ZC3HAV1: variants seen among roughly 807,000 people sequenced by gnomAD.
ZC3HAV1 encodes the protein zinc finger CCCH-type containing, antiviral 1.
Under a neutral mutation model 86.6 loss-of-function variants are expected in ZC3HAV1, and 41 were observed. The ratio of observed to expected loss-of-function variants is 0.47; its 90% confidence interval spans 0.37 to 0.61. The LOEUF is 0.61. Among genes scored for constraint, ZC3HAV1 ranks in the 20% least tolerant of loss-of-function variants. The probability of loss-of-function intolerance (pLI) is 0.00; values close to 1 mark genes in which losing one functional copy is unlikely to be tolerated. For missense variants in ZC3HAV1, 964 were observed against 1,141.1 expected (o/e 0.84, Z 2.24); for synonymous variants, 421 against 432.1 (o/e 0.97, Z 0.32).
Position 139,045,237 on chromosome 7 carries a change from A to C in ZC3HAV1, c.*2357T>G, listed in dbSNP as rs1041490348. ...TTTCTATTTGTCGTTTAGAAAAAAA[A>C]AGGCAGAAATGCCCATTGAAAACCA... On this transcript the variant is annotated 3_prime_UTR_variant, in exon 13 of 13. Coordinates refer to ENST00000242351, the MANE Select transcript of ZC3HAV1 (RefSeq NM_020119.4). 6.6e-6 allele frequency: 1 copy of C among 152,206 alleles called. No individual in the cohort carries two copies. Among genetic ancestry groups the C allele is most frequent in the South Asian group, 2.1e-4 (1 of 4,836 alleles). 9.4% of individuals were successfully genotyped at this position (152,206 alleles called of 1,614,324 possible).
intron 6 of ZC3HAV1, among the ~76,000 whole-genome samples, chr7:139,074,546 G>C (rs141868709): frequency 6.6e-6 from 1 of 151,786 alleles, no homozygotes; most frequent in East Asian, 1.9e-4. Flanking sequence ...ATAAAGAAGC[G>C]GATATGAGAA....
chr7:139,070,479 A>G (rs910580243), intron 7 of ZC3HAV1, among the ~76,000 whole-genome samples: 1 of 151,696 alleles, frequency 6.6e-6, no homozygotes, highest in South Asian at 2.1e-4. Flanking sequence ...CCTGGCTAAC[A>G]TGGTGAAACC....
At chr7:139,087,045 G>GTACCTGT (rs1459690705) in intron 2 of ZC3HAV1, among the ~76,000 whole-genome samples, 1 of 152,164 alleles carries the variant, frequency 6.6e-6, no homozygotes, top group Non-Finnish European at 1.5e-5. Context: ...GATGTTAAAA[G>GTACCTGT]TACCTGTTAC....
rs907352424 is a variant in ZC3HAV1, at chr7:139,088,420, C to T, written c.444+1204G>A. The stretch of plus-strand genomic sequence containing the variant: ...TGTGATTGAGCAGATGTGCCATATA[C>T]AATGTCCATGTCACATCTTTTAAAA... On this transcript the variant is annotated intron_variant, in intron 2 of 12. Transcript: ENST00000242351. 3.3e-5 allele frequency among the ~76,000 whole-genome samples: 5 copies of T among 152,184 alleles called. 1 individual carries two copies. Among genetic ancestry groups the T allele is most frequent in the Admixed American group, 1.3e-4 (2 of 15,276 alleles).
intron 12 of ZC3HAV1, among the ~76,000 whole-genome samples, chr7:139,052,532 G>A (rs906325858): frequency 6.7e-6 from 1 of 148,244 alleles, no homozygotes; most frequent in African/African-American, 2.5e-5. Context: ...TTGAACCAAG[G>A]AGGTGAAGGT....
At chr7:139,074,121 C>G in intron 6 of ZC3HAV1, 91 bp from the exon 7 acceptor site, 3 of 1,272,314 alleles carry the variant, frequency 2.4e-6, no homozygotes, top group Non-Finnish European at 3.2e-6. Context: ...CAGAATTAAA[C>G]TTTCAGGGCT....
chr7:139,097,636 G>A (rs1355628411), intron 1 of ZC3HAV1, among the ~76,000 whole-genome samples: 10 of 150,752 alleles, frequency 6.6e-5, no homozygotes, highest in East Asian at 2.0e-4. Context: ...GGGTTTCACC[G>A]TGTTAGCCAG....
intron 1 of ZC3HAV1, among the ~76,000 whole-genome samples, chr7:139,100,734 A>G (rs914366660): frequency 6.6e-6 from 1 of 151,364 alleles, no homozygotes; most frequent in Non-Finnish European, 1.5e-5. Flanking sequence ...TATCACATAA[A>G]ACTTTAAGAA....
chr7:139,059,492 C>G (rs1426338126), intron 9 of ZC3HAV1, among the ~76,000 whole-genome samples: 3 of 152,006 alleles, frequency 2.0e-5, no homozygotes, highest in Admixed American at 2.0e-4. Context: ...TGCCATGTGC[C>G]TGTAGTCCCA....
At chr7:139,072,105 A>G in intron 7 of ZC3HAV1, among the ~76,000 whole-genome samples, 1 of 152,210 alleles carries the variant, frequency 6.6e-6, no homozygotes, top group Non-Finnish European at 1.5e-5. Context: ...AGTTTTTGCC[A>G]TTAAAAGTAA....
intron 5 of ZC3HAV1, among the ~76,000 whole-genome samples, chr7:139,077,989 A>T (rs2130702963): frequency 6.6e-6 from 1 of 152,316 alleles, no homozygotes; most frequent in Non-Finnish European, 1.5e-5. Flanking sequence ...CTGTAATCCC[A>T]GCACTTTGGA....
intron 1 of ZC3HAV1, among the ~76,000 whole-genome samples, chr7:139,097,418 A>ATTT (rs1563140611): frequency 3.8e-5 from 3 of 78,458 alleles, no homozygotes; most frequent in East Asian, 4.5e-4. Context: ...ATATATATAT[A>ATTT]TATATATATA....
In ZC3HAV1 at chr7:139,044,045, A is replaced by G. The variant is rs936834340; in HGVS notation, c.*3549T>C. 2 of 152,212 alleles carry G rather than the reference A, an allele frequency of 1.3e-5. No individual in the cohort carries two copies. Among genetic ancestry groups the G allele is most frequent in the African/African-American group, 4.8e-5 (2 of 41,438 alleles). The allele number at this position is 152,212 out of a possible 1,614,324, so 9.4% of individuals were successfully genotyped here. A position where few individuals can be genotyped will look rare whatever the true frequency, so the allele number is the denominator to read the frequency against. On this transcript the variant is annotated 3_prime_UTR_variant, in exon 13 of 13. Coordinates refer to ENST00000242351, the MANE Select transcript of ZC3HAV1 (RefSeq NM_020119.4). ...TGTGTGGGTTAGTGCCACACAACGA[A>G]GAATTATTCTGTACCCTGTACGACT...
intron 2 of ZC3HAV1, 129 bp downstream of exon 2, chr7:139,089,495 A>T: frequency 8.1e-7 from 1 of 1,229,824 alleles, no homozygotes; most frequent in Non-Finnish European, 1.1e-6. Flanking sequence ...TCACTCAATA[A>T]CAGCCTCGAC....
At chr7:139,062,227 CCACACACACACA>C (rs10547164) in intron 8 of ZC3HAV1, among the ~76,000 whole-genome samples, 9 of 148,810 alleles carry the variant, frequency 6.0e-5, no homozygotes, top group Non-Finnish European at 1.2e-4. Flanking sequence ...CAAACATAAA[CCACACACACACA>C]CACACACACA....
At chr7:139,103,391 G>A (rs1019525991) in intron 1 of ZC3HAV1, among the ~76,000 whole-genome samples, 5 of 151,250 alleles carry the variant, frequency 3.3e-5, no homozygotes, top group African/African-American at 1.2e-4. Context: ...ATGAGCCACT[G>A]CACCCAGCCC....
chr7:139,097,301 G>C (rs1426487764), intron 1 of ZC3HAV1, among the ~76,000 whole-genome samples: 1 of 147,316 alleles, frequency 6.8e-6, no homozygotes, highest in East Asian at 2.0e-4. Flanking sequence ...TGATGAAAAT[G>C]CATGTCAAAG....
chr7:139,109,364 C>T lies in ZC3HAV1; in HGVS notation c.-33G>A, dbSNP rs945846101. ...TGGCTGTGCTGGCTCTGCCGCGGCG[C>T]GGGACTCGGTTCCGCGGAAATCGGA... On this transcript the variant is annotated 5_prime_UTR_variant, in exon 1 of 13. Transcript: ENST00000242351. 3.3e-6 allele frequency: 5 copies of T among 1,528,986 alleles called. No individual in the cohort carries two copies. The African/African-American group carries it at 5.5e-5, about 17-fold the overall frequency. The allele number at this position is 1,528,986 out of a possible 1,614,324, so 94.7% of individuals were successfully genotyped here.
rs531049587 is a variant in ZC3HAV1 at position 139,070,628 on chromosome 7, C to T, written c.1872+3228G>A. Among the ~76,000 whole-genome samples, 122 of 144,142 alleles carry T rather than the reference C, an allele frequency of 8.5e-4. 1 individual carries two copies. The highest frequency in any genetic ancestry group is 3.2e-3 in the African/African-American group (120 of 37,914). 94.6% of individuals were successfully genotyped at this position (144,142 alleles called of 152,430 possible). On this transcript the variant is annotated intron_variant, in intron 7 of 12. Coordinates refer to ENST00000242351, the MANE Select transcript of ZC3HAV1 (RefSeq NM_020119.4). Reference sequence around the variant, plus strand: ...GCAGTAAGCCGAGATCGCGCCACTGCACTCCAGCCTGGGCGACAGAGCGAG... The same window carrying T: ...GCAGTAAGCCGAGATCGCGCCACTGTACTCCAGCCTGGGCGACAGAGCGAG...
Sources: gnomAD v4.1 joint callset for allele counts (sites outside exome capture counted in the v4.1 genomes callset) on GRCh38, gnomAD v4.1.1 for gene constraint, MANE v1.5 for transcripts, NCBI Gene and HGNC (gene_info 2026-07-23, HGNC 2026-07-21) for gene names.